The following HECW2 variants were observed in gnomAD, a reference collection of about 807,000 sequenced individuals.
HECW2 encodes the protein E3 ubiquitin-protein ligase HECW2.
Under a neutral mutation model 175.2 loss-of-function variants are expected in HECW2, and 61 were observed. That is an observed-to-expected ratio of 0.35 (90% confidence interval 0.28 to 0.43). HECW2 has a LOEUF of 0.43. Among genes scored for constraint, HECW2 ranks in the 20% least tolerant of loss-of-function variants. The pLI is 1.00. For missense variants in HECW2, 1,524 were observed against 2,000.5 expected (o/e 0.76, Z 4.54); for synonymous variants, 671 against 731.0 (o/e 0.92, Z 1.32).
Position 196,318,668 on chromosome 2 carries a change from C to G in HECW2, c.2222G>C (p.Gly741Ala). The change falls in exon 9 of 29, where the codon GGG (glycine) becomes GCG (alanine). Residue 741 changes from glycine to alanine, a missense_variant. Gly to Ala is a moderately conservative substitution (Grantham distance 60). Around this residue, in one of 11 missense-constraint regions of HECW2, gnomAD observed 604 missense variants for 588.3 expected, o/e 1.03. Coordinates refer to ENST00000644978, the MANE Select transcript of HECW2 (RefSeq NM_001348768.2). ...EELGEVWQRR[G>A]SLEGAAAAAE... is the part of the protein sequence containing the mutation. ...AGCAGCTGCAGCTCCCTCCAGGCTC[C>G]CCCTCCGCTGCCAGACCTCCCCCAG... 6.2e-7 allele frequency: 1 copy of G among 1,600,672 alleles called. No homozygotes were observed. Among genetic ancestry groups the G allele is most frequent in the Non-Finnish European group, 8.5e-7 (1 of 1,172,986 alleles).
chr2:196,300,116 C>T (rs1690987265), intron 13 of HECW2, among the ~76,000 whole-genome samples: 1 of 152,080 alleles, frequency 6.6e-6, no homozygotes, highest in Non-Finnish European at 1.5e-5. Flanking sequence ...ATTAACACTA[C>T]AGAAATCAGG....
At chr2:196,206,437 T>G (rs1687070270) in intron 28 of HECW2, among the ~76,000 whole-genome samples, 1 of 152,248 alleles carries the variant, frequency 6.6e-6, no homozygotes, top group Non-Finnish European at 1.5e-5. Context: ...ACAAGTCAAT[T>G]AGATAAATCC....
Position 196,242,172 on chromosome 2 carries a change from GGGCT to G in HECW2, c.3558_3561del (p.Ala1187LeufsTer10). 1 of 1,614,136 alleles carries G rather than the reference GGGCT, an allele frequency of 6.2e-7. No homozygotes were observed. Among genetic ancestry groups the G allele is most frequent in the Non-Finnish European group, 8.5e-7 (1 of 1,180,028 alleles). ...TTGGCTTCGAAATCCCGCTTGTAAG[GGGCT>G]GGAGCCCGGGCATTGGCACGCTGGG... On this transcript the variant is annotated frameshift_variant, in exon 20 of 29. Transcript: ENST00000644978. LOFTEE classifies it high-confidence loss of function.
At chr2:196,320,287 T>A (rs1158321222) in intron 8 of HECW2, 52 bp downstream of exon 8, 1 of 1,078,564 alleles carries the variant, frequency 9.3e-7, no homozygotes, top group Non-Finnish European at 1.4e-6. Context: ...GAGTTAGGTT[T>A]AACAAGTTTT....
chr2:196,562,257 A>T (rs1015668162), intron 1 of HECW2, among the ~76,000 whole-genome samples: 1 of 152,212 alleles, frequency 6.6e-6, no homozygotes, highest in African/African-American at 2.4e-5. Context: ...CCTCCAACCA[A>T]GTTAGAAACA....
At chr2:196,227,502 A>G (rs1264984853) in intron 22 of HECW2, among the ~76,000 whole-genome samples, 1 of 152,230 alleles carries the variant, frequency 6.6e-6, no homozygotes, top group Non-Finnish European at 1.5e-5. Flanking sequence ...TACAAACTTC[A>G]AATGGCTAAT....
chr2:196,259,253 G>A (rs879731053), intron 17 of HECW2, among the ~76,000 whole-genome samples: 16 of 152,176 alleles, frequency 1.1e-4, no homozygotes, highest in East Asian at 5.8e-4. Context: ...GATTATAGGC[G>A]TAAGCCACCA....
chr2:196,334,682 T>C (rs1692487111), intron 3 of HECW2, among the ~76,000 whole-genome samples, 164 bp from the exon 4 acceptor site: 1 of 152,194 alleles, frequency 6.6e-6, no homozygotes, highest in Non-Finnish European at 1.5e-5. Flanking sequence ...TTCTGTTTGA[T>C]TTTATATGCT....
intron 1 of HECW2, among the ~76,000 whole-genome samples, chr2:196,574,129 G>A (rs963146607): frequency 4.7e-5 from 7 of 150,408 alleles, no homozygotes; most frequent in Non-Finnish European, 1.0e-4. Context: ...TTACAATAGC[G>A]ACAAAAAACA....
At chr2:196,337,461 T>C (rs1692590209) in intron 3 of HECW2, among the ~76,000 whole-genome samples, 2 of 151,846 alleles carry the variant, frequency 1.3e-5, no homozygotes, top group African/African-American at 2.4e-5. Flanking sequence ...ATGGAGGACA[T>C]GGACCAAAGA....
At chr2:196,247,882 C>T (rs1289882161) in intron 19 of HECW2, among the ~76,000 whole-genome samples, 3 of 152,182 alleles carry the variant, frequency 2.0e-5, no homozygotes, top group Non-Finnish European at 4.4e-5. Flanking sequence ...TCCAGCATGG[C>T]TCCATGCCTC....
At chr2:196,222,465 G>A in intron 23 of HECW2, 125 bp from the exon 24 acceptor site, 2 of 822,842 alleles carry the variant, frequency 2.4e-6, no homozygotes, top group Admixed American at 2.9e-5. Context: ...AGTGATTTCT[G>A]GAATGTTCTT....
intron 1 of HECW2, among the ~76,000 whole-genome samples, chr2:196,582,093 T>TAATAATAATAATAATAATAATAAA (rs1553540038): frequency 3.3e-5 from 5 of 151,832 alleles, no homozygotes; most frequent in African/African-American, 1.2e-4. Context: ...ATAATAATAA[T>TAATAATAATAATAATAATAATAAA]AAATTATCCT....
intron 1 of HECW2, among the ~76,000 whole-genome samples, chr2:196,585,837 A>G (rs542196272): frequency 6.6e-6 from 1 of 152,208 alleles, no homozygotes; most frequent in Non-Finnish European, 1.5e-5. Flanking sequence ...AAAACCTTAG[A>G]GTATGAAGTC....
At chr2:196,329,430 T>C in intron 5 of HECW2, 145 bp downstream of exon 5, 2 of 562,264 alleles carry the variant, frequency 3.6e-6, no homozygotes, top group East Asian at 5.8e-5. Context: ...GTAAGAGATA[T>C]ACTTGAATTT....
At chr2:196,560,989 T>C (rs1166209891) in intron 1 of HECW2, among the ~76,000 whole-genome samples, 1 of 152,106 alleles carries the variant, frequency 6.6e-6, no homozygotes, top group East Asian at 1.9e-4. Flanking sequence ...CCTGGGCACC[T>C]TGAAAAAAGA....
chr2:196,472,354 G>A (rs373191172), intron 1 of HECW2, among the ~76,000 whole-genome samples: 62 of 146,392 alleles, frequency 4.2e-4, no homozygotes, highest in African/African-American at 1.5e-3. Flanking sequence ...GGTCAGGGGC[G>A]GGGGGCGCCT....
chr2:196,520,230 T>G (rs549776432), intron 1 of HECW2, among the ~76,000 whole-genome samples: 186 of 151,682 alleles, frequency 1.2e-3, no homozygotes, highest in African/African-American at 4.2e-3. Flanking sequence ...AACTCTGTAT[T>G]ATATTTGCAA....
intron 10 of HECW2, among the ~76,000 whole-genome samples, chr2:196,310,334 C>T (rs1390295435): frequency 6.6e-6 from 1 of 152,188 alleles, no homozygotes; most frequent in Non-Finnish European, 1.5e-5. Context: ...TTACTCAAGA[C>T]CCCATAAAGA....
Sources: allele counts gnomAD v4.1 joint callset (sites outside exome capture counted in the v4.1 genomes callset), GRCh38; gene constraint gnomAD v4.1.1; regional missense constraint gnomAD v4.1.1; transcripts MANE v1.5; gene names NCBI Gene and HGNC (gene_info 2026-07-23, HGNC 2026-07-21).